Variants in TMEM179 observed in about 807,000 individuals in gnomAD.
The protein encoded by TMEM179 is transmembrane protein 179.
A neutral mutation model predicts 22.2 loss-of-function variants in TMEM179; 17 were observed. The observed-to-expected ratio is 0.77, with a 90% CI of 0.52 to 1.15. The LOEUF is 1.15. Ranked by LOEUF, TMEM179 falls within the 50% of genes most tolerant of loss-of-function variation. The pLI is 0.00. For missense variants in TMEM179, 265 were observed against 313.6 expected (o/e 0.84, Z 1.17); for synonymous variants, 127 against 140.5 (o/e 0.90, Z 0.68).
rs896168620 is a variant in TMEM179 at position 104,604,093 on chromosome 14, C to A, written c.305+344G>T. On this transcript the variant is annotated intron_variant, in intron 1 of 3. Coordinates refer to ENST00000556573, the MANE Select transcript of TMEM179 (RefSeq NM_001286389.2). This position sits in a 1 kb window ranked among gnomAD's most constrained non-coding sequence, Gnocchi z 4.6. ...GGCTGGGAGTTGTCGCCGGTCCTGG[C>A]GAGTGTGGCCCGGCTGAGCCCGCCC... Among the ~76,000 whole-genome samples the A allele has an allele frequency of 3.9e-5, 6 of 152,312 alleles. No homozygotes were observed. Among genetic ancestry groups the A allele is most frequent in the African/African-American group, 9.6e-5 (4 of 41,580 alleles).
rs147602995 is a variant in TMEM179 at position 104,604,165 on chromosome 14, C to G, written c.305+272G>C. 6.6e-6 allele frequency among the ~76,000 whole-genome samples: 1 copy of G among 152,336 alleles called. No individual in the cohort carries two copies. The highest frequency in any genetic ancestry group is 1.5e-5 in the Non-Finnish European group (1 of 68,028). ...GTGATGACAGTGCAACATCTGCAAC[C>G]CAAGGGAGCAGATGCCCGGAAGCGG... is the stretch of plus-strand genomic sequence containing the variant. On this transcript the variant is annotated intron_variant, in intron 1 of 3. Coordinates refer to ENST00000556573, the MANE Select transcript of TMEM179 (RefSeq NM_001286389.2). The surrounding 1 kb of genome is among the most constrained non-coding windows in gnomAD (Gnocchi z 4.6).
Position 104,600,441 on chromosome 14 carries a change from C to T in TMEM179, c.306-3314G>A, listed in dbSNP as rs893776138. Among the ~76,000 whole-genome samples the T allele has an allele frequency of 3.3e-5, 5 of 152,356 alleles. No individual in the cohort carries two copies. In the South Asian group the frequency reaches 1.0e-3, roughly 32 times the overall value. On this transcript the variant is annotated intron_variant, in intron 1 of 3. Coordinates refer to ENST00000556573, the MANE Select transcript of TMEM179 (RefSeq NM_001286389.2). ...AGTTTAACGCAGCATCCCTCCGGCCCGCCAACCACAAACTGCTGCCAGCCC... is the reference window on the plus strand; with the variant it reads ...AGTTTAACGCAGCATCCCTCCGGCCTGCCAACCACAAACTGCTGCCAGCCC...
At chr14:104,593,726 C>A in intron 3 of TMEM179, 68 bp from the exon 4 acceptor site, 9 of 1,419,830 alleles carry the variant, frequency 6.3e-6, no homozygotes, top group Non-Finnish European at 8.3e-6. Flanking sequence ...CCCCTCCCAC[C>A]AGCCCCCAGG....
Position 104,596,217 on chromosome 14 carries a change from C to T in TMEM179, c.443+773G>A, listed in dbSNP as rs781752748. Among the ~76,000 whole-genome samples the T allele has an allele frequency of 1.2e-3, 190 of 152,340 alleles. 1 individual carries two copies. Among genetic ancestry groups the T allele is most frequent in the Non-Finnish European group, 1.9e-3 (128 of 68,016 alleles). ...TGTTGCAGATGCTGGGGTTTCAGGTCTGGGTTTGCTTAAAGGAAGAATGTG... is the reference window on the plus strand; with the variant it reads ...TGTTGCAGATGCTGGGGTTTCAGGTTTGGGTTTGCTTAAAGGAAGAATGTG... On this transcript the variant is annotated intron_variant, in intron 2 of 3. Transcript: ENST00000556573.
At chr14:104,600,469 G>A (rs560324046) in intron 1 of TMEM179, among the ~76,000 whole-genome samples, 35 of 152,190 alleles carry the variant, frequency 2.3e-4, no homozygotes, top group African/African-American at 6.0e-4. Flanking sequence ...GCCAGCCCAC[G>A]TGCTCAATCC....
rs2140502489 is a variant in TMEM179, at chr14:104,604,370, G to A, written c.305+67C>T. 6 of 1,407,272 alleles carry A rather than the reference G, an allele frequency of 4.3e-6. No individual in the cohort carries two copies. The highest frequency in any genetic ancestry group is 4.6e-6 in the Non-Finnish European group (5 of 1,084,772). 87.2% of individuals were successfully genotyped at this position (1,407,272 alleles called of 1,614,324 possible). ...GACGGAGGGACTCGCGCGCCTCCCC[G>A]GGGAGGTGGGTCTGGGGGCGCTGGG... On this transcript the variant is annotated intron_variant, in intron 1 of 3. Coordinates refer to ENST00000556573, the MANE Select transcript of TMEM179 (RefSeq NM_001286389.2). This position sits in a 1 kb window ranked among gnomAD's most constrained non-coding sequence, Gnocchi z 4.6.
rs1887335056 is a variant in TMEM179, at chr14:104,604,115, G to A, written c.305+322C>T. Among the ~76,000 whole-genome samples, 2 of 152,198 alleles carry A rather than the reference G, an allele frequency of 1.3e-5. No homozygotes were observed. Among genetic ancestry groups the A allele is most frequent in the Admixed American group, 6.5e-5 (1 of 15,292 alleles). On this transcript the variant is annotated intron_variant, in intron 1 of 3. Coordinates refer to ENST00000556573, the MANE Select transcript of TMEM179 (RefSeq NM_001286389.2). This position sits in a 1 kb window ranked among gnomAD's most constrained non-coding sequence, Gnocchi z 4.6. The stretch of plus-strand genomic sequence containing the variant: ...TGGCGAGTGTGGCCCGGCTGAGCCC[G>A]CCCAGGAAGGTCCAGGCCTGCTGGG...
intron 1 of TMEM179, among the ~76,000 whole-genome samples, chr14:104,599,530 C>G (rs1336056619): frequency 1.3e-5 from 2 of 152,224 alleles, no homozygotes; most frequent in East Asian, 3.9e-4. Context: ...TCTGCTGCTG[C>G]TGGGACCCTG....
rs756335897 is a variant in TMEM179, at chr14:104,604,517, C to G, written c.225G>C (p.Leu75=). 1 of 1,563,136 alleles carries G rather than the reference C, an allele frequency of 6.4e-7. No homozygotes were observed. Among genetic ancestry groups the G allele is most frequent in the South Asian group, 1.2e-5 (1 of 85,200 alleles). Residue 75 remains leucine, a synonymous_variant, in exon 1 of 4, where the codon CTG becomes CTC. Transcript: ENST00000556573. This position sits in a 1 kb window ranked among gnomAD's most constrained non-coding sequence, Gnocchi z 4.6. The part of the protein sequence containing the change: ...WGPPAACRFS[L]LASLLSLLLA... ...GCAGCAGAGACAGGAGGCTGGCGAG[C>G]AGGCTGAAGCGGCAGGCGGCCGGCG...
intron 1 of TMEM179, among the ~76,000 whole-genome samples, chr14:104,602,270 C>G (rs1445888995): frequency 1.3e-5 from 2 of 152,206 alleles, no homozygotes; most frequent in Non-Finnish European, 2.9e-5. Flanking sequence ...CTCCCTGTCC[C>G]CCAGCTTCTG....
rs1039026810 is a variant in TMEM179 at position 104,593,436 on chromosome 14, GCAGCAGGGAGGTCGGGGC to G, written c.*25_*42del. 1 of 1,534,192 alleles carries G rather than the reference GCAGCAGGGAGGTCGGGGC, an allele frequency of 6.5e-7. No individual in the cohort carries two copies. The highest frequency in any genetic ancestry group is 8.7e-7 in the Non-Finnish European group (1 of 1,145,390). On this transcript the variant is annotated 3_prime_UTR_variant, in exon 4 of 4. Coordinates refer to ENST00000556573, the MANE Select transcript of TMEM179 (RefSeq NM_001286389.2). ...CCCAGGCAGGCCCGTGCCCCCGAGC[GCAGCAGGGAGGTCGGGGC>G]CAGCTCCCCCTGCCTGCACTGTGCC...
chr14:104,603,995 G>C (rs72713829), intron 1 of TMEM179, among the ~76,000 whole-genome samples: 2 of 152,340 alleles, frequency 1.3e-5, no homozygotes, highest in Non-Finnish European at 2.9e-5. Flanking sequence ...TTCCCGGGGC[G>C]ATGGTGCCGG....
Position 104,591,583 on chromosome 14 carries a change from G to A in TMEM179, c.*1896C>T, listed in dbSNP as rs537909571. 43 of 367,674 alleles carry A rather than the reference G, an allele frequency of 1.2e-4. 1 individual carries two copies. Among genetic ancestry groups the A allele is most frequent in the African/African-American group, 8.8e-4 (41 of 46,786 alleles). The allele number at this position is 367,674 out of a possible 1,614,324, so 22.8% of individuals were successfully genotyped here. ...GCCAGAGCCCCCTTGAGCTTCCAGA[G>A]CCTCGATCCCCCTGGACTTGACACC... is the stretch of plus-strand genomic sequence containing the variant. On this transcript the variant is annotated 3_prime_UTR_variant, in exon 4 of 4. Transcript: ENST00000556573.
rs2140478828 is a variant in TMEM179 at position 104,593,375 on chromosome 14, G to A, written c.*104C>T. The A allele has an allele frequency of 7.1e-7, 1 of 1,399,752 alleles. No individual in the cohort carries two copies. Among genetic ancestry groups the A allele is most frequent in the South Asian group, 1.3e-5 (1 of 77,170 alleles). The allele number at this position is 1,399,752 out of a possible 1,614,324, so 86.7% of individuals were successfully genotyped here. On this transcript the variant is annotated 3_prime_UTR_variant, in exon 4 of 4. Coordinates refer to ENST00000556573, the MANE Select transcript of TMEM179 (RefSeq NM_001286389.2). ...CGAGGGGACACACGCAGGGCTGCAT[G>A]TGGCCAGGGCCCAGGCAGAGCCCCC... is the stretch of plus-strand genomic sequence containing the variant.
At chr14:104,598,416 C>A (rs1004421124) in intron 1 of TMEM179, among the ~76,000 whole-genome samples, 1 of 152,216 alleles carries the variant, frequency 6.6e-6, no homozygotes, top group Non-Finnish European at 1.5e-5. Flanking sequence ...AGCTTCACAG[C>A]GATCATTTAA....
intron 2 of TMEM179, among the ~76,000 whole-genome samples, chr14:104,596,610 G>A (rs1395833884): frequency 6.6e-6 from 1 of 152,214 alleles, no homozygotes; most frequent in African/African-American, 2.4e-5. Flanking sequence ...GTCTCCGGCT[G>A]TGTGGCCACA....
chr14:104,593,715 C>CCCCCT, intron 3 of TMEM179, 57 bp from the exon 4 acceptor site: 2 of 1,425,532 alleles, frequency 1.4e-6, no homozygotes, highest in Admixed American at 2.9e-5. Context: ...GTCAGTGCAA[C>CCCCCT]CCCCTCCCAC....
chr14:104,599,118 C>T (rs536275628), intron 1 of TMEM179, among the ~76,000 whole-genome samples: 1 of 152,290 alleles, frequency 6.6e-6, no homozygotes, highest in Admixed American at 6.5e-5. Flanking sequence ...CCTCTCCAGC[C>T]CAGTGTGCTG....
Position 104,593,306 on chromosome 14 carries a change from C to A in TMEM179, c.*173G>T, listed in dbSNP as rs1886902113. ...GGCACCCACCCAGTCCACTGCCAGG[C>A]TCACAGGTGGGCACTGGGGCGCTCA... On this transcript the variant is annotated 3_prime_UTR_variant, in exon 4 of 4. Coordinates refer to ENST00000556573, the MANE Select transcript of TMEM179 (RefSeq NM_001286389.2). 1.4e-6 allele frequency: 1 copy of A among 739,096 alleles called. No homozygotes were observed. The allele number at this position is 739,096 out of a possible 1,614,324, so 45.8% of individuals were successfully genotyped here. A position where few individuals can be genotyped will look rare whatever the true frequency, so the allele number is the denominator to read the frequency against.
Sources: allele counts gnomAD v4.1 joint callset (sites outside exome capture counted in the v4.1 genomes callset), GRCh38; gene constraint gnomAD v4.1.1; non-coding constraint Gnocchi (gnomAD v3.1); transcripts MANE v1.5; gene names NCBI Gene and HGNC (gene_info 2026-07-23, HGNC 2026-07-21).